The following LTBP1 variants were observed in gnomAD, a reference collection of about 807,000 sequenced individuals.
The protein encoded by LTBP1 is latent transforming growth factor beta binding protein 1.
In LTBP1, 129 loss-of-function variants were observed where a neutral mutation model predicts 207.6. The ratio of observed to expected loss-of-function variants is 0.62; its 90% confidence interval spans 0.54 to 0.72. LTBP1 has a LOEUF of 0.72. Among genes scored for constraint, LTBP1 ranks in the 30% least tolerant of loss-of-function variants. The pLI, the probability that LTBP1 is intolerant of heterozygous loss-of-function variation, is 0.00. For synonymous variants in LTBP1, 963 were observed against 833.7 expected (o/e 1.16, Z -2.67); for missense variants, 2,281 against 2,217.2 (o/e 1.03, Z -0.58).
At chr2:33,274,334 TTCTC>T (rs2093381518) in intron 16 of LTBP1, among the ~76,000 whole-genome samples, 1 of 127,908 alleles carries the variant, frequency 7.8e-6, no homozygotes, top group Admixed American at 8.1e-5. Flanking sequence ...TAAATTTAAT[TTCTC>T]TTTTTTTTTT....
At chr2:33,187,637 A>T (rs1220723284) in intron 6 of LTBP1, among the ~76,000 whole-genome samples, 1 of 152,202 alleles carries the variant, frequency 6.6e-6, no homozygotes, top group East Asian at 1.9e-4. Flanking sequence ...TTAAAAAGGG[A>T]ATCATAGAAG....
chr2:33,026,501 C>G (rs2075420536), intron 3 of LTBP1, among the ~76,000 whole-genome samples: 1 of 152,206 alleles, frequency 6.6e-6, no homozygotes. Context: ...GTACCCTTCT[C>G]TCTTGGAATA....
At chr2:32,986,196 C>T (rs761513133) in intron 2 of LTBP1, among the ~76,000 whole-genome samples, 15 of 152,036 alleles carry the variant, frequency 9.9e-5, no homozygotes, top group African/African-American at 1.9e-4. Context: ...CTGGGAAATC[C>T]GGGCTCTTAG....
intron 7 of LTBP1, among the ~76,000 whole-genome samples, chr2:33,206,661 C>A (rs2089904363): frequency 6.6e-6 from 1 of 151,708 alleles, no homozygotes; most frequent in South Asian, 2.1e-4. Flanking sequence ...ATGGCGTGAA[C>A]CTGGGAGGCG....
rs752403280 is a variant in LTBP1, at chr2:33,363,374, AT to A, written c.4271-9del. The A allele has an allele frequency of 3.1e-6, 5 of 1,612,354 alleles. No individual in the cohort carries two copies. The highest frequency in any genetic ancestry group is 4.2e-6 in the Non-Finnish European group (5 of 1,179,106). On this transcript the variant is annotated splice_polypyrimidine_tract_variant and intron_variant, in intron 28 of 33. Transcript: ENST00000404816. ...ACCTAACTCCTTTTTGTATTTCTCA[AT>A]TTTTTTCCCCGTAGATGCAGATGAA...
rs373438616 is a variant in LTBP1, at chr2:33,275,771, A to C, written c.2870-30A>C. The C allele has an allele frequency of 3.0e-5, 49 of 1,613,716 alleles. No individual in the cohort carries two copies. The African/African-American group carries it at 6.0e-4, about 20-fold the overall frequency. ...GGTTTGAAACAGTATTTGGAACACA[A>C]AACTCAACAATGCTATCTGCTCTTC... On this transcript the variant is annotated intron_variant, in intron 17 of 33. Transcript: ENST00000404816.
intron 3 of LTBP1, among the ~76,000 whole-genome samples, chr2:33,051,754 G>C (rs2076755929): frequency 6.6e-6 from 1 of 152,162 alleles, no homozygotes; most frequent in African/African-American, 2.4e-5. Flanking sequence ...AGGGCCCTGA[G>C]ATGTTGGTGA....
intron 3 of LTBP1, among the ~76,000 whole-genome samples, chr2:33,086,480 G>A (rs1244448080): frequency 6.6e-6 from 1 of 152,192 alleles, no homozygotes; most frequent in African/African-American, 2.4e-5. Flanking sequence ...AAATAATGGA[G>A]CTTGCCATTG....
intron 13 of LTBP1, among the ~76,000 whole-genome samples, chr2:33,260,709 A>G (rs1017472014): frequency 5.9e-5 from 9 of 152,240 alleles, no homozygotes; most frequent in Admixed American, 2.6e-4. Flanking sequence ...TGAAGCTCTT[A>G]GCATCTCTAA....
chr2:33,110,456 A>T, intron 3 of LTBP1, 126 bp from the exon 4 acceptor site: 1 of 847,226 alleles, frequency 1.2e-6, no homozygotes, highest in South Asian at 1.9e-5. Context: ...TTTGAAGGAA[A>T]AAAAATGAGC....
At chr2:33,288,694 A>G (rs2093714521) in intron 19 of LTBP1, among the ~76,000 whole-genome samples, 2 of 152,022 alleles carry the variant, frequency 1.3e-5, no homozygotes, top group African/African-American at 4.8e-5. Context: ...TCTCTATTAA[A>G]AATACAAAAA....
At chr2:33,140,308 C>T (rs1485550573) in intron 5 of LTBP1, among the ~76,000 whole-genome samples, 1 of 137,906 alleles carries the variant, frequency 7.3e-6, no homozygotes, top group African/African-American at 2.5e-5. Context: ...GGAGTTTTTT[C>T]TGGAAACTTA....
chr2:33,210,895 C>G (rs934662893), intron 7 of LTBP1, among the ~76,000 whole-genome samples: 12 of 152,222 alleles, frequency 7.9e-5, no homozygotes, highest in African/African-American at 2.7e-4. Context: ...CTTACTCTTG[C>G]AAGAGTTACA....
chr2:33,122,202 TCTTC>T (rs1000723547), intron 4 of LTBP1, among the ~76,000 whole-genome samples: 1 of 152,162 alleles, frequency 6.6e-6, no homozygotes, highest in Non-Finnish European at 1.5e-5. Flanking sequence ...GTATTTCCTC[TCTTC>T]CTTCTTCTAC....
intron 4 of LTBP1, among the ~76,000 whole-genome samples, chr2:33,129,070 C>A (rs569003897): frequency 1.3e-5 from 2 of 152,164 alleles, no homozygotes; most frequent in African/African-American, 4.8e-5. Flanking sequence ...ACAGAGACAC[C>A]TGGAAGGAGA....
chr2:33,128,517 C>T (rs994797813), intron 4 of LTBP1, among the ~76,000 whole-genome samples: 1 of 152,238 alleles, frequency 6.6e-6, no homozygotes, highest in Admixed American at 6.5e-5. Flanking sequence ...GAATTTAAAG[C>T]TGTGCTGCTG....
At chr2:33,146,655 G>T (rs1044826867) in intron 5 of LTBP1, among the ~76,000 whole-genome samples, 3 of 152,206 alleles carry the variant, frequency 2.0e-5, no homozygotes, top group Non-Finnish European at 4.4e-5. Context: ...AAGCATGGTT[G>T]GGGAGGCCTC....
At chr2:33,326,640 A>AATTAATTTATTTATTTATTTATTT (rs1553502915) in intron 24 of LTBP1, among the ~76,000 whole-genome samples, 88 of 144,652 alleles carry the variant, frequency 6.1e-4, no homozygotes, top group African/African-American at 2.2e-3. Context: ...TGAGGGATAT[A>AATTAATTTATTTATTTATTTATTT]ATTTATTTAT....
intron 15 of LTBP1, among the ~76,000 whole-genome samples, chr2:33,265,115 T>C (rs972448542): frequency 3.9e-5 from 6 of 152,208 alleles, no homozygotes; most frequent in Non-Finnish European, 8.8e-5. Flanking sequence ...CCACCCACGC[T>C]GCTGAGGGTG....
Sources: gnomAD v4.1 joint callset for allele counts (sites outside exome capture counted in the v4.1 genomes callset) on GRCh38, gnomAD v4.1.1 for gene constraint, MANE v1.5 for transcripts, NCBI Gene and HGNC (gene_info 2026-07-23, HGNC 2026-07-21) for gene names.